TMEM67: variants seen among roughly 807,000 people sequenced by gnomAD.
TMEM67 encodes meckelin.
TMEM67 carries 124 observed loss-of-function variants against 136.6 expected under a neutral mutation model. That is an observed-to-expected ratio of 0.91 (90% CI 0.78 to 1.05). The LOEUF is 1.05. TMEM67 is among the 50% of genes least tolerant of loss of function. TMEM67 has a pLI of 0.00. For synonymous variants in TMEM67, 364 were observed against 390.5 expected (o/e 0.93, Z 0.80); for missense variants, 1,107 against 1,178.4 (o/e 0.94, Z 0.89).
chr8:93,832,497 G>T, the TMEM67 span, among the ~76,000 whole-genome samples: 1 of 151,978 alleles, frequency 6.6e-6, no homozygotes, highest in South Asian at 2.1e-4. Context: ...GACCCCTCTA[G>T]GTATTTTTCA....
chr8:93,780,596 T>C lies in TMEM67; in HGVS notation c.718T>C (p.Tyr240His), dbSNP rs1813772907. The C allele has an allele frequency of 6.2e-7, 1 of 1,614,016 alleles. No homozygotes were observed. Among genetic ancestry groups the C allele is most frequent in the Middle Eastern group, 1.6e-4 (1 of 6,078 alleles). The part of the protein sequence containing the change: ...LQSSAAACWV[Y>H]ANLTSCQALG... Reference sequence around the variant, plus strand: ...CTTTGCCATTGTTCTGTTGTAGGTATATGCCAATCTAACATCTTGTCAAGC... The same window carrying C: ...CTTTGCCATTGTTCTGTTGTAGGTACATGCCAATCTAACATCTTGTCAAGC... The change falls in exon 8 of 28, where the codon TAT (tyrosine) becomes CAT (histidine). Residue 240 changes from tyrosine to histidine, a missense_variant. Physicochemically the swap from Tyr to His is moderately conservative, Grantham distance 83 (BLOSUM62 2). This residue lies in a region of TMEM67 where 925 missense variants were observed against 1,002.4 expected (regional missense o/e 0.92). Coordinates refer to ENST00000453321, the MANE Select transcript of TMEM67 (RefSeq NM_153704.6).
chr8:93,810,748 T>A (rs1170882985), intron 26 of TMEM67, among the ~76,000 whole-genome samples: 2 of 152,188 alleles, frequency 1.3e-5, no homozygotes, highest in Admixed American at 6.5e-5. Flanking sequence ...ACAGTCCACA[T>A]GGAAGAGATA....
intron 6 of TMEM67, among the ~76,000 whole-genome samples, chr8:93,770,462 G>A (rs958814406): frequency 6.6e-6 from 1 of 151,730 alleles, no homozygotes; most frequent in African/African-American, 2.4e-5. Context: ...TTCCTTTTTT[G>A]GGGGAAGGGA....
At chr8:93,760,803 A>G (rs545295872) in intron 3 of TMEM67, among the ~76,000 whole-genome samples, 262 of 152,310 alleles carry the variant, frequency 1.7e-3, no homozygotes, top group African/African-American at 6.1e-3. Flanking sequence ...TACAATAGAC[A>G]GAGGTCGAAG....
In TMEM67 at chr8:93,795,405, G is replaced by T; in HGVS notation, c.1675-4G>T. 6.2e-7 allele frequency: 1 copy of T among 1,612,272 alleles called. No homozygotes were observed. The highest frequency in any genetic ancestry group is 8.5e-7 in the Non-Finnish European group (1 of 1,178,488). On this transcript the variant is annotated splice_region_variant and splice_polypyrimidine_tract_variant and intron_variant, in intron 16 of 27. Transcript: ENST00000453321. Reference sequence around the variant, plus strand: ...CAGCTGTAATTCTTTTTTTTAAATTGCAGACAGTTGTGAAATTCTTGGTGT... The same window carrying T: ...CAGCTGTAATTCTTTTTTTTAAATTTCAGACAGTTGTGAAATTCTTGGTGT...
downstream of TMEM67, among the ~76,000 whole-genome samples, chr8:93,820,592 T>C (rs1269214053): frequency 6.6e-6 from 1 of 152,144 alleles, no homozygotes; most frequent in Non-Finnish European, 1.5e-5. Context: ...GCTGTGCAAT[T>C]TGGGCAAGTC....
At chr8:93,806,859 G>T (rs1815172520) in intron 23 of TMEM67, among the ~76,000 whole-genome samples, 1 of 152,034 alleles carries the variant, frequency 6.6e-6, no homozygotes, top group African/African-American at 2.4e-5. Context: ...AATATTAATT[G>T]ATGTTACTTT....
chr8:93,830,045 A>G, the TMEM67 span, among the ~76,000 whole-genome samples: 1 of 152,216 alleles, frequency 6.6e-6, no homozygotes, highest in African/African-American at 2.4e-5. Flanking sequence ...AAACTGCACC[A>G]AGAAGCCAAG....
In TMEM67 at chr8:93,780,589, G is replaced by T. The variant is rs560467218; in HGVS notation, c.715-4G>T. 1.9e-6 allele frequency: 3 copies of T among 1,614,032 alleles called. No homozygotes were observed. The African/African-American group carries it at 4.0e-5, about 22-fold the overall frequency. ...TACTTTTCTTTGCCATTGTTCTGTT[G>T]TAGGTATATGCCAATCTAACATCTT... On this transcript the variant is annotated splice_region_variant and splice_polypyrimidine_tract_variant and intron_variant, in intron 7 of 27. Coordinates refer to ENST00000453321, the MANE Select transcript of TMEM67 (RefSeq NM_153704.6).
intron 23 of TMEM67, among the ~76,000 whole-genome samples, chr8:93,806,380 T>C (rs542610645): frequency 1.3e-5 from 2 of 152,270 alleles, no homozygotes; most frequent in Admixed American, 6.5e-5. Flanking sequence ...AAGTCCTTAT[T>C]AGAAATACAT....
At chr8:93,763,244 T>C (rs1169390386) in intron 3 of TMEM67, among the ~76,000 whole-genome samples, 1 of 152,214 alleles carries the variant, frequency 6.6e-6, no homozygotes, top group East Asian at 1.9e-4. Flanking sequence ...CTGATTCTTT[T>C]TAATATATTC....
In TMEM67 at chr8:93,769,886, G is replaced by A. The variant is rs1037964720; in HGVS notation, c.652-2703G>A. The stretch of plus-strand genomic sequence containing the variant: ...CTAATTGGAAAAGTCTACTTTGAAC[G>A]TTAAGGTTGGAAGTTTTCTTAGAGA... On this transcript the variant is annotated intron_variant, in intron 6 of 27. Transcript: ENST00000453321. Among the ~76,000 whole-genome samples the A allele has an allele frequency of 6.6e-5, 10 of 152,152 alleles. No individual in the cohort carries two copies. In the South Asian group the frequency reaches 8.3e-4, roughly 13 times the overall value.
At chr8:93,790,938 C>A (rs992898071) in intron 14 of TMEM67, among the ~76,000 whole-genome samples, 3 of 152,178 alleles carry the variant, frequency 2.0e-5, no homozygotes, top group African/African-American at 7.2e-5. Flanking sequence ...TACCCAATTG[C>A]TAAATTCCTG....
chr8:93,831,217 C>CT, the TMEM67 span, among the ~76,000 whole-genome samples: 1 of 152,194 alleles, frequency 6.6e-6, no homozygotes, highest in Non-Finnish European at 1.5e-5. Flanking sequence ...CTTTGAGCCC[C>CT]TTTAAGTGAA....
At chr8:93,809,235 A>G in intron 25 of TMEM67, 74 bp downstream of exon 25, 1 of 902,038 alleles carries the variant, frequency 1.1e-6, no homozygotes, top group Non-Finnish European at 1.8e-6. Flanking sequence ...AATGTCAATT[A>G]TTTCTTCAAG....
chr8:93,758,602 A>G (rs1386181627), intron 3 of TMEM67, 26 bp downstream of exon 3: 1 of 1,530,162 alleles, frequency 6.5e-7, no homozygotes, highest in Admixed American at 1.7e-5. Flanking sequence ...CTTATAAAGA[A>G]GTAGTGATAA....
chr8:93,809,721 C>A, intron 25 of TMEM67, 64 bp from the exon 26 acceptor site: 1 of 942,604 alleles, frequency 1.1e-6, no homozygotes, highest in Non-Finnish European at 1.7e-6. Flanking sequence ...GCTGATTTTA[C>A]ATTAATTGCA....
chr8:93,814,209 G>T (rs1028206896), intron 26 of TMEM67, among the ~76,000 whole-genome samples: 1 of 135,886 alleles, frequency 7.4e-6, no homozygotes, highest in East Asian at 2.3e-4. Flanking sequence ...GCACGATCTC[G>T]GCTCACTGCA....
chr8:93,826,376 G>A, the TMEM67 span, among the ~76,000 whole-genome samples: 3 of 151,880 alleles, frequency 2.0e-5, no homozygotes, highest in Non-Finnish European at 2.9e-5. Flanking sequence ...TGATCCGCCC[G>A]CCTCGGCTTC....
Sources: gnomAD v4.1 joint callset for allele counts (sites outside exome capture counted in the v4.1 genomes callset) on GRCh38, gnomAD v4.1.1 for gene constraint, gnomAD v4.1.1 regional missense constraint, MANE v1.5 for transcripts, NCBI Gene and HGNC (gene_info 2026-07-23, HGNC 2026-07-21) for gene names.